Variants in ANKFN1 observed in about 807,000 individuals in gnomAD.
ANKFN1 encodes ankyrin repeat and fibronectin type-III domain-containing protein 1.
A neutral mutation model predicts 108.7 loss-of-function variants in ANKFN1; 74 were observed. The ratio of observed to expected loss-of-function variants is 0.68; its 90% CI spans 0.56 to 0.83. The LOEUF (loss-of-function observed/expected upper bound fraction) is 0.83. ANKFN1 is among the 40% of genes least tolerant of loss of function. The pLI is 0.00. For synonymous variants in ANKFN1, 547 were observed against 516.2 expected (o/e 1.06, Z -0.81); for missense variants, 1,505 against 1,382.3 (o/e 1.09, Z -1.41).
chr17:56,070,246 CG>C (rs1905103555), intron 4 of ANKFN1, among the ~76,000 whole-genome samples: 1 of 152,140 alleles, frequency 6.6e-6, no homozygotes, highest in African/African-American at 2.4e-5. Flanking sequence ...CAAAGGTGTC[CG>C]GGCAGGACTG....
chr17:56,449,013 C>A (rs1001323155), intron 10 of ANKFN1, 66 bp from the exon 11 acceptor site: 40 of 1,406,944 alleles, frequency 2.8e-5, no homozygotes, highest in Non-Finnish European at 3.9e-5. Context: ...CGGCTCCTGA[C>A]GCAGGGCAAG....
intron 1 of ANKFN1, among the ~76,000 whole-genome samples, chr17:56,177,429 A>G (rs1373892600): frequency 6.6e-6 from 1 of 152,224 alleles, no homozygotes; most frequent in Admixed American, 6.5e-5. Context: ...TTGGGCTTAA[A>G]TAGGCCTCTC....
At chr17:56,163,118 G>T (rs1909827395) in intron 1 of ANKFN1, among the ~76,000 whole-genome samples, 1 of 151,966 alleles carries the variant, frequency 6.6e-6, no homozygotes, top group Non-Finnish European at 1.5e-5. Context: ...AAACTTGCTG[G>T]TTGAGCTCAC....
rs573294863 is a variant in ANKFN1 at position 56,515,496 on chromosome 17, A to G, written c.*4227A>G. Among the ~76,000 whole-genome samples, 15 of 152,302 alleles carry G rather than the reference A, an allele frequency of 9.8e-5. No individual in the cohort carries two copies. The highest frequency in any genetic ancestry group is 2.2e-4 in the African/African-American group (9 of 41,556). On this transcript the variant is annotated 3_prime_UTR_variant, in exon 21 of 21. Transcript: ENST00000682825. ...TTCATAGGTAATAGGGTGAGCAAGGAAAAAAACTGTTTTCTTTGCTGGTCA... is the reference window on the plus strand; with the variant it reads ...TTCATAGGTAATAGGGTGAGCAAGGGAAAAAACTGTTTTCTTTGCTGGTCA...
intron 4 of ANKFN1, among the ~76,000 whole-genome samples, chr17:56,058,387 G>T (rs1904916604): frequency 6.6e-6 from 1 of 152,200 alleles, no homozygotes; most frequent in Admixed American, 6.5e-5. Flanking sequence ...AGCACTTGCT[G>T]CTTCACCTTG....
intron 1 of ANKFN1, among the ~76,000 whole-genome samples, chr17:56,188,501 C>T (rs1912468904): frequency 1.5e-5 from 2 of 136,192 alleles, no homozygotes; most frequent in African/African-American, 2.8e-5. Flanking sequence ...TATGTGTATG[C>T]ATATGCATTT....
chr17:56,087,856 G>A (rs955123155), intron 4 of ANKFN1, among the ~76,000 whole-genome samples: 2 of 151,348 alleles, frequency 1.3e-5, no homozygotes, highest in Non-Finnish European at 3.0e-5. Context: ...AACAGAGCCT[G>A]TATGGCCTAC....
At chr17:56,046,164 A>C (rs909626256) in exon 4 of ANKFN1, 4 of 152,536 alleles carry the variant, frequency 2.6e-5, no homozygotes, top group African/African-American at 7.2e-5. Context: ...GTCGGTGTTC[A>C]TCTGGGGAAT....
intron 4 of ANKFN1, among the ~76,000 whole-genome samples, chr17:56,091,586 T>C (rs1567785029): frequency 6.6e-6 from 1 of 151,356 alleles, no homozygotes; most frequent in Admixed American, 6.6e-5. Context: ...TTTCCACTTA[T>C]CAAGAAATGT....
At chr17:56,501,941 A>G (rs2145457518) in intron 20 of ANKFN1, among the ~76,000 whole-genome samples, 1 of 152,292 alleles carries the variant, frequency 6.6e-6, no homozygotes, top group East Asian at 1.9e-4. Flanking sequence ...TTGAAAAGAA[A>G]GAAATAGAAA....
Position 56,430,386 on chromosome 17 carries a change from A to T in ANKFN1, c.911-9941A>T, listed in dbSNP as rs779002786. 6.8e-4 allele frequency among the ~76,000 whole-genome samples: 103 copies of T among 152,198 alleles called. 1 individual carries two copies. Among genetic ancestry groups the T allele is most frequent in the Non-Finnish European group, 1.1e-3 (76 of 68,006 alleles). Reference sequence around the variant, plus strand: ...GGGGCAGTCGGATGGGGAGAGGGAAAATGGGGAGATGTAAGTCAAATGGTA... The same window carrying T: ...GGGGCAGTCGGATGGGGAGAGGGAATATGGGGAGATGTAAGTCAAATGGTA... On this transcript the variant is annotated intron_variant, in intron 8 of 20. Transcript: ENST00000682825.
intron 4 of ANKFN1, among the ~76,000 whole-genome samples, chr17:56,332,078 G>A (rs917702944): frequency 6.6e-6 from 1 of 152,094 alleles, no homozygotes; most frequent in African/African-American, 2.4e-5. Context: ...ATTTTCGGTG[G>A]TGTTACTCAG....
intron 10 of ANKFN1, among the ~76,000 whole-genome samples, chr17:56,448,377 G>A (rs138505923): frequency 0.011 from 1,650 of 152,136 alleles, 8 homozygotes; most frequent in Non-Finnish European, 0.017. Flanking sequence ...ATAGCTAAAC[G>A]GAATGAAAAT....
intron 3 of ANKFN1, among the ~76,000 whole-genome samples, chr17:56,242,507 A>G (rs544085117): frequency 2.2e-4 from 34 of 152,182 alleles, no homozygotes; most frequent in African/African-American, 7.2e-4. Flanking sequence ...TAGGAATACA[A>G]TTGATTTTCA....
chr17:56,471,636 A>G (rs1203443848), intron 15 of ANKFN1: 2 of 152,236 alleles, frequency 1.3e-5, no homozygotes, highest in Non-Finnish European at 2.9e-5. Context: ...GTAGAAGTAA[A>G]CTAGATGGCA....
chr17:56,512,983 T>G lies in ANKFN1; in HGVS notation c.*1714T>G, dbSNP rs574924819. Among the ~76,000 whole-genome samples, 1 of 152,326 alleles carries G rather than the reference T, an allele frequency of 6.6e-6. No homozygotes were observed. The highest frequency in any genetic ancestry group is 2.1e-4 in the South Asian group (1 of 4,828). ...AGGATTTTAAAATGCAATTTTCTTC[T>G]GTCTAAGTGAATTCTATGTGCATGG... On this transcript the variant is annotated 3_prime_UTR_variant, in exon 21 of 21. Coordinates refer to ENST00000682825, the MANE Select transcript of ANKFN1 (RefSeq NM_001370326.1).
chr17:56,116,068 C>T (rs1013132793), intron 4 of ANKFN1, among the ~76,000 whole-genome samples: 4 of 152,146 alleles, frequency 2.6e-5, no homozygotes. Context: ...CAAACATCAC[C>T]ACCTCTCCAA....
At position 56,094,835 on chromosome 17, in the gene ANKFN1, A is replaced by G. The variant is rs150886214; in HGVS notation, c.288+48510A>G. Among the ~76,000 whole-genome samples the G allele has an allele frequency of 3.2e-3, 487 of 150,944 alleles. 22 individuals are homozygous for G. Among genetic ancestry groups the G allele is most frequent in the Middle Eastern group, 0.021 (6 of 288 alleles). The stretch of plus-strand genomic sequence containing the variant: ...GCGCCCAGCCTGTTTCTTCTATTAA[A>G]TGGATTCCAATATGATTATTGTGAG... On this transcript the variant is annotated intron_variant, in intron 4 of 12. Transcript: ENST00000635860.
chr17:56,088,189 A>G (rs796729732), intron 4 of ANKFN1, among the ~76,000 whole-genome samples: 1 of 151,304 alleles, frequency 6.6e-6, no homozygotes, highest in African/African-American at 2.4e-5. Flanking sequence ...TGATTAACAC[A>G]TCTCGTTTTT....
Sources: allele counts gnomAD v4.1 joint callset (sites outside exome capture counted in the v4.1 genomes callset), GRCh38; gene constraint gnomAD v4.1.1; transcripts MANE v1.5; gene names NCBI Gene and HGNC (gene_info 2026-07-23, HGNC 2026-07-21).